The following IL1RAPL1 variants were observed in gnomAD, a reference collection of about 807,000 sequenced individuals.
The protein encoded by IL1RAPL1 is interleukin 1 receptor accessory protein like 1.
A neutral mutation model predicts 48.4 loss-of-function variants in IL1RAPL1; 3 were observed. The ratio of observed to expected loss-of-function variants is 0.06; its 90% CI spans 0.03 to 0.16. IL1RAPL1 has a LOEUF of 0.16. Ranked by LOEUF, IL1RAPL1 falls within the 10% of genes least tolerant of loss-of-function variation. IL1RAPL1 has a pLI of 1.00. For synonymous variants in IL1RAPL1, 185 were observed against 187.7 expected (o/e 0.99, Z 0.12); for missense variants, 349 against 530.6 (o/e 0.66, Z 3.36).
At chrX:29,752,078 ATG>A (rs1239506707) in intron 6 of IL1RAPL1, among the ~76,000 whole-genome samples, 47 of 86,783 alleles carry the variant, frequency 5.4e-4, no homozygotes, top group East Asian at 3.3e-3. Context: ...ATATGTGTGT[ATG>A]TATATATATA....
chrX:29,868,750 A>T (rs949443062), intron 6 of IL1RAPL1, among the ~76,000 whole-genome samples: 2 of 112,507 alleles, frequency 1.8e-5, no homozygotes, highest in Non-Finnish European at 3.8e-5. Flanking sequence ...TATCCTGGAA[A>T]TATTTTTATA....
chrX:28,978,846 T>C (rs1925265486), intron 2 of IL1RAPL1, among the ~76,000 whole-genome samples: 1 of 111,733 alleles, frequency 8.9e-6, no homozygotes, highest in African/African-American at 3.3e-5. Flanking sequence ...CTGTAGAGTT[T>C]ATGCTTGATA....
At chrX:29,283,584 G>A (rs1285722972) in intron 3 of IL1RAPL1, among the ~76,000 whole-genome samples, 2 of 112,235 alleles carry the variant, frequency 1.8e-5, no homozygotes, top group African/African-American at 3.2e-5. Context: ...ATTGCCCTTC[G>A]CAGACAGATA....
At chrX:29,394,454 C>T (rs1449899849) in intron 3 of IL1RAPL1, among the ~76,000 whole-genome samples, 1 of 112,286 alleles carries the variant, frequency 8.9e-6, no homozygotes, top group Non-Finnish European at 1.9e-5. Flanking sequence ...TTTGCAATTA[C>T]TTAAACACAG....
chrX:29,869,367 A>T (rs1173233085), intron 6 of IL1RAPL1, among the ~76,000 whole-genome samples: 1 of 111,682 alleles, frequency 9.0e-6, no homozygotes, highest in Non-Finnish European at 1.9e-5. Flanking sequence ...TACGAAAGGT[A>T]GGCACTGTCT....
intron 2 of IL1RAPL1, among the ~76,000 whole-genome samples, chrX:29,186,745 C>T (rs1176281490): frequency 9.0e-6 from 1 of 111,250 alleles, no homozygotes; most frequent in Non-Finnish European, 1.9e-5. Flanking sequence ...GACAGATATT[C>T]TATGTGGTGT....
chrX:29,605,749 A>G (rs1923871804), intron 5 of IL1RAPL1, among the ~76,000 whole-genome samples: 1 of 112,445 alleles, frequency 8.9e-6, no homozygotes, highest in Admixed American at 9.4e-5. Flanking sequence ...TGAGAAGTGT[A>G]TATTTTACAA....
At chrX:29,886,758 G>A (rs965984688) in intron 6 of IL1RAPL1, among the ~76,000 whole-genome samples, 5 of 111,686 alleles carry the variant, frequency 4.5e-5, no homozygotes, top group African/African-American at 6.5e-5. Flanking sequence ...AATGCAATAC[G>A]GAGTAGCTCT....
intron 6 of IL1RAPL1, among the ~76,000 whole-genome samples, chrX:29,903,397 T>A (rs991094703): frequency 9.0e-6 from 1 of 111,614 alleles, no homozygotes; most frequent in Non-Finnish European, 1.9e-5. Flanking sequence ...ATGGTGCAAA[T>A]GAAATTAAAA....
intron 6 of IL1RAPL1, among the ~76,000 whole-genome samples, chrX:29,883,222 G>C (rs778797173): frequency 9.1e-6 from 1 of 110,194 alleles, no homozygotes; most frequent in Non-Finnish European, 1.9e-5. Context: ...ATTATATTCC[G>C]TGTTTGATAA....
At chrX:29,613,753 G>C (rs1192955056) in intron 5 of IL1RAPL1, among the ~76,000 whole-genome samples, 1 of 89,281 alleles carries the variant, frequency 1.1e-5, no homozygotes, top group African/African-American at 5.1e-5. Flanking sequence ...GTGTGTGTGT[G>C]TGTGTTTCTT....
intron 2 of IL1RAPL1, among the ~76,000 whole-genome samples, chrX:29,268,954 C>T (rs370854036): frequency 9.0e-6 from 1 of 111,707 alleles, no homozygotes; most frequent in South Asian, 3.7e-4. Flanking sequence ...CATGGTATGA[C>T]CACTAAGTGT....
intron 3 of IL1RAPL1, among the ~76,000 whole-genome samples, chrX:29,330,409 T>G (rs1358009804): frequency 1.8e-5 from 2 of 111,160 alleles, no homozygotes; most frequent in East Asian, 5.7e-4. Flanking sequence ...CAGACAGGAG[T>G]ATTACAACAG....
intron 3 of IL1RAPL1, among the ~76,000 whole-genome samples, chrX:29,349,143 T>C (rs1161219661): frequency 1.8e-5 from 2 of 112,335 alleles, no homozygotes; most frequent in African/African-American, 6.5e-5. Context: ...CACGCAGAAA[T>C]ATGACTGGAC....
rs1462265114 is a variant in IL1RAPL1, at chrX:29,122,875, C to T, written c.83-160063C>T. Among the ~76,000 whole-genome samples, 9 of 110,595 alleles carry T rather than the reference C, an allele frequency of 8.1e-5. No individual in the cohort carries two copies. In the East Asian group the frequency reaches 2.5e-3, roughly 31 times the overall value. On this transcript the variant is annotated intron_variant, in intron 2 of 10. Transcript: ENST00000378993. ...TTTCCTTTCTTACTGCCTAGTCATACCCTTAGGCAAAGAAGCAGTAATTTT... is the reference window on the plus strand; with the variant it reads ...TTTCCTTTCTTACTGCCTAGTCATATCCTTAGGCAAAGAAGCAGTAATTTT...
intron 1 of IL1RAPL1, among the ~76,000 whole-genome samples, chrX:28,774,102 G>C (rs1340522562): frequency 9.1e-6 from 1 of 110,428 alleles, no homozygotes; most frequent in Non-Finnish European, 1.9e-5. Context: ...TCTTTTTTTC[G>C]ATTTGTTCTC....
intron 2 of IL1RAPL1, among the ~76,000 whole-genome samples, chrX:29,130,830 A>G (rs1396566000): frequency 8.9e-6 from 1 of 112,368 alleles, no homozygotes; most frequent in Non-Finnish European, 1.9e-5. Context: ...GCTTACTTCA[A>G]GTTTTAAAAA....
At chrX:29,434,775 T>G (rs1934463157) in intron 5 of IL1RAPL1, among the ~76,000 whole-genome samples, 1 of 111,025 alleles carries the variant, frequency 9.0e-6, no homozygotes, top group Non-Finnish European at 1.9e-5. Context: ...TTGTTTTAAT[T>G]TATAGTTTAG....
chrX:29,956,458 T>C lies in IL1RAPL1; in HGVS notation c.*638T>C, dbSNP rs1400755035. On this transcript the variant is annotated 3_prime_UTR_variant, in exon 11 of 11. Coordinates refer to ENST00000378993, the MANE Select transcript of IL1RAPL1 (RefSeq NM_014271.4). ...CTACCTTTCTAATGGCGGCATGATG[T>C]GTAAACTCTGTGCAGGGGTGGGGGC... 1.8e-5 allele frequency: 2 copies of C among 109,988 alleles called. No homozygotes were observed. The highest frequency in any genetic ancestry group is 6.8e-5 in the African/African-American group (2 of 29,294). The allele number at this position is 109,988 out of a possible 1,213,427, so 9.1% of individuals were successfully genotyped here.
Sources: gnomAD v4.1 joint callset for allele counts (sites outside exome capture counted in the v4.1 genomes callset) on GRCh38, gnomAD v4.1.1 for gene constraint, MANE v1.5 for transcripts, NCBI Gene and HGNC (gene_info 2026-07-23, HGNC 2026-07-21) for gene names.